Variants in CD109 observed in about 807,000 individuals in gnomAD.
The protein encoded by CD109 is CD109 molecule.
Under a neutral mutation model 165.8 loss-of-function variants are expected in CD109, and 149 were observed. The ratio of observed to expected loss-of-function variants is 0.90; its 90% CI spans 0.79 to 1.03. The LOEUF is 1.03. Ranked by LOEUF, CD109 falls within the 50% of genes least tolerant of loss-of-function variation. The pLI is 0.00. For missense variants in CD109, 1,712 were observed against 1,677.8 expected (o/e 1.02, Z -0.36); for synonymous variants, 585 against 592.1 (o/e 0.99, Z 0.18).
intron 24 of CD109, among the ~76,000 whole-genome samples, chr6:73,804,363 T>C (rs1350198793): frequency 6.6e-6 from 1 of 152,224 alleles, no homozygotes; most frequent in Admixed American, 6.5e-5. Flanking sequence ...GTATAGTGTT[T>C]TGTAGCAGGG....
At chr6:73,774,793 T>C (rs1165050644) in intron 15 of CD109, among the ~76,000 whole-genome samples, 1 of 152,152 alleles carries the variant, frequency 6.6e-6, no homozygotes, top group Non-Finnish European at 1.5e-5. Context: ...AGCGATGCAC[T>C]TTCTCCCAAG....
chr6:73,770,671 C>G (rs780470585), intron 14 of CD109, among the ~76,000 whole-genome samples: 1 of 152,138 alleles, frequency 6.6e-6, no homozygotes, highest in Non-Finnish European at 1.5e-5. Flanking sequence ...TCACTTGAAC[C>G]CAGGAGGCAA....
chr6:73,788,186 A>G (rs1367876193), intron 21 of CD109, among the ~76,000 whole-genome samples: 1 of 152,230 alleles, frequency 6.6e-6, no homozygotes, highest in East Asian at 1.9e-4. Context: ...AATGAAGGGT[A>G]CTGTACTTAG....
At position 73,762,449 on chromosome 6, in the gene CD109, G is replaced by C. The variant is rs748774732; in HGVS notation, c.824G>C (p.Gly275Ala). Residue 275 changes from glycine to alanine, a missense_variant, in exon 8 of 33, where the codon GGA becomes GCA. Gly to Ala is a moderately conservative substitution (Grantham distance 60). Coordinates refer to ENST00000287097, the MANE Select transcript of CD109 (RefSeq NM_133493.5). Reference protein sequence around the residue: ...TLTFLPLSFWGKKKNITKTFK... With the variant: ...TLTFLPLSFWAKKKNITKTFK... ...ACATTTTTACCTTTATCCTTTTGGG[G>C]AAAGAAGAAAAATATTACAAAAACA... is the stretch of plus-strand genomic sequence containing the variant. 1 of 1,611,328 alleles carries C rather than the reference G, an allele frequency of 6.2e-7. No individual in the cohort carries two copies. The highest frequency in any genetic ancestry group is 1.1e-5 in the South Asian group (1 of 90,786).
At chr6:73,789,969 C>G (rs148264315) in intron 22 of CD109, among the ~76,000 whole-genome samples, 1 of 151,540 alleles carries the variant, frequency 6.6e-6, no homozygotes, top group African/African-American at 2.4e-5. Context: ...GCAGTGTTGG[C>G]CAGGCTGGTC....
At chr6:73,682,171 C>T in the CD109 span, among the ~76,000 whole-genome samples, 2 of 152,160 alleles carry the variant, frequency 1.3e-5, no homozygotes, top group Non-Finnish European at 2.9e-5. Context: ...ACTCAAAAGT[C>T]CGCAGTCCCA....
chr6:73,681,633 G>T, the CD109 span, among the ~76,000 whole-genome samples: 4 of 151,102 alleles, frequency 2.6e-5, no homozygotes, highest in Non-Finnish European at 5.9e-5. Flanking sequence ...ATGGAGTTTC[G>T]CTTTTGTCAC....
In CD109 at chr6:73,818,550, A is replaced by G. The variant is rs1228666986; in HGVS notation, c.4059+15A>G. On this transcript the variant is annotated intron_variant, in intron 31 of 32. Coordinates refer to ENST00000287097, the MANE Select transcript of CD109 (RefSeq NM_133493.5). ...ATTTAGATTCTGTAAGTAGTAAAAC[A>G]TAAGGTAACTGTTGACAAAGCCACT... 2 of 1,608,598 alleles carry G rather than the reference A, an allele frequency of 1.2e-6. No homozygotes were observed. The highest frequency in any genetic ancestry group is 2.7e-5 in the African/African-American group (2 of 74,726).
At chr6:73,696,679 A>G (rs1041992315) in intron 1 of CD109, among the ~76,000 whole-genome samples, 2 of 152,144 alleles carry the variant, frequency 1.3e-5, no homozygotes, top group African/African-American at 4.8e-5. Context: ...AGCATTGCCA[A>G]AGTGTGGCGG....
intron 5 of CD109, among the ~76,000 whole-genome samples, chr6:73,753,358 A>G (rs1458972647): frequency 6.6e-6 from 1 of 152,166 alleles, no homozygotes; most frequent in Non-Finnish European, 1.5e-5. Flanking sequence ...ATTATTATTA[A>G]TTTTAAATAT....
At chr6:73,680,554 G>C in the CD109 span, among the ~76,000 whole-genome samples, 1 of 152,186 alleles carries the variant, frequency 6.6e-6, no homozygotes, top group Non-Finnish European at 1.5e-5. Context: ...GGCAGTGGCT[G>C]AAGAGAGAGC....
chr6:73,799,906 A>G (rs7773872), intron 23 of CD109, among the ~76,000 whole-genome samples: 79,692 of 149,678 alleles, frequency 0.53, 21,644 homozygotes, highest in African/African-American at 0.63. Context: ...GCCCAGGCTG[A>G]AGTGCAGTGG....
At chr6:73,797,048 G>C (rs1775190352) in intron 23 of CD109, among the ~76,000 whole-genome samples, 2 of 152,054 alleles carry the variant, frequency 1.3e-5, no homozygotes, top group South Asian at 4.1e-4. Context: ...TACTGTAGTT[G>C]TTTTTATTTT....
At position 73,771,467 on chromosome 6, in the gene CD109, T is replaced by C; in HGVS notation, c.1713T>C (p.Ser571=). Residue 571 remains serine, a synonymous_variant, in exon 15 of 33, where the codon TCT becomes TCC. Transcript: ENST00000287097. ...LYWSKVKAEP[S]EKVSLRISVT... is the part of the protein sequence containing the mutation. ...GGAGTAAAGTGAAAGCTGAACCATCTGAGAAAGTCTCTCTTAGGATCTCTG... is the reference window on the plus strand; with the variant it reads ...GGAGTAAAGTGAAAGCTGAACCATCCGAGAAAGTCTCTCTTAGGATCTCTG... The C allele has an allele frequency of 6.2e-7, 1 of 1,608,084 alleles. No individual in the cohort carries two copies.
intron 14 of CD109, among the ~76,000 whole-genome samples, chr6:73,770,283 T>C (rs1773988329): frequency 6.6e-6 from 1 of 152,206 alleles, no homozygotes; most frequent in African/African-American, 2.4e-5. Flanking sequence ...TAATTGCATG[T>C]TTTCTAAAAT....
At chr6:73,772,121 G>T (rs563068793) in intron 15 of CD109, among the ~76,000 whole-genome samples, 1 of 152,148 alleles carries the variant, frequency 6.6e-6, no homozygotes, top group East Asian at 1.9e-4. Context: ...AAATTGACTT[G>T]CATTATTCTG....
intron 22 of CD109, among the ~76,000 whole-genome samples, chr6:73,791,194 T>TAC (rs1562071129): frequency 0.11 from 893 of 7,774 alleles, 30 homozygotes; most frequent in Non-Finnish European, 0.24. Context: ...CACACATACA[T>TAC]ATATATATAT....
At chr6:73,689,316 A>T in the CD109 span, among the ~76,000 whole-genome samples, 1 of 152,160 alleles carries the variant, frequency 6.6e-6, no homozygotes, top group African/African-American at 2.4e-5. Context: ...ATTGGCATCT[A>T]AGGTTGGGGG....
Position 73,730,484 on chromosome 6 carries a change from A to T in CD109, c.417A>T (p.Leu139Phe). The T allele has an allele frequency of 1.2e-6, 2 of 1,614,152 alleles. No individual in the cohort carries two copies. The highest frequency in any genetic ancestry group is 2.2e-5 in the South Asian group (2 of 91,088). ...TCTTCATTCAAACAGACAAGGCCTT[A>T]TACAAGCCAAAGCAAGAAGTGAAGT... ...ISVFIQTDKA[L>F]YKPKQEVKFR... Residue 139 changes from leucine (L) to phenylalanine (F), a missense_variant, in exon 4 of 33, where the codon TTA becomes TTT. By Grantham distance (22) the Leu-to-Phe change is conservative (BLOSUM62 0). Transcript: ENST00000287097.
Sources: allele counts gnomAD v4.1 joint callset (sites outside exome capture counted in the v4.1 genomes callset), GRCh38; gene constraint gnomAD v4.1.1; transcripts MANE v1.5; gene names NCBI Gene and HGNC (gene_info 2026-07-23, HGNC 2026-07-21).